SULF1: variants seen among roughly 807,000 people sequenced by gnomAD.
SULF1 encodes the protein extracellular sulfatase Sulf-1.
A neutral mutation model predicts 110.5 loss-of-function variants in SULF1; 46 were observed. The observed-to-expected ratio is 0.42, with a 90% CI of 0.33 to 0.53. SULF1 has a LOEUF of 0.53. Ranked by LOEUF, SULF1 falls within the 20% of genes least tolerant of loss-of-function variation. SULF1 has a pLI of 0.12. For missense variants in SULF1, 941 were observed against 1,094.2 expected, an observed-to-expected ratio of 0.86 and a Z score of 1.98; for synonymous variants, 371 against 387.1, an observed-to-expected ratio of 0.96 and a Z score of 0.49.
intron 3 of SULF1, among the ~76,000 whole-genome samples, chr8:69,554,166 G>A (rs1054862661): frequency 6.6e-5 from 10 of 152,180 alleles, no homozygotes; most frequent in African/African-American, 2.2e-4. Flanking sequence ...CATATGCTGA[G>A]AAATGAAAGT....
Position 69,505,026 on chromosome 8 carries a change from G to T in SULF1, c.-134+3058G>T, listed in dbSNP as rs1008771272. Reference sequence around the variant, plus strand: ...ATTTAATATTCAGAACTGCTTACCTGTAGCTCATTGAACTTGGCATCACCT... The same window carrying T: ...ATTTAATATTCAGAACTGCTTACCTTTAGCTCATTGAACTTGGCATCACCT... On this transcript the variant is annotated intron_variant, in intron 3 of 22. Transcript: ENST00000402687. 2.6e-5 allele frequency among the ~76,000 whole-genome samples: 4 copies of T among 152,276 alleles called. No homozygotes were observed. The South Asian group carries it at 8.3e-4, about 32-fold the overall frequency.
intron 3 of SULF1, among the ~76,000 whole-genome samples, chr8:69,544,417 C>T (rs1227566380): frequency 2.0e-5 from 3 of 151,844 alleles, no homozygotes; most frequent in African/African-American, 7.3e-5. Context: ...TACAGGCATG[C>T]GCCACCACAG....
chr8:69,517,811 C>G (rs986095119), intron 3 of SULF1, among the ~76,000 whole-genome samples: 3 of 152,106 alleles, frequency 2.0e-5, no homozygotes, highest in African/African-American at 7.2e-5. Flanking sequence ...CTGCATCTTC[C>G]CTTTTCATTA....
chr8:69,624,312 C>T, intron 15 of SULF1, 115 bp downstream of exon 15: 1 of 1,400,790 alleles, frequency 7.1e-7, no homozygotes, highest in Non-Finnish European at 9.6e-7. Flanking sequence ...AATACAGTGC[C>T]TGAGGGCTGG....
chr8:69,637,932 T>C (rs1360229826), intron 19 of SULF1: 1 of 153,642 alleles, frequency 6.5e-6, no homozygotes, highest in Admixed American at 6.5e-5. Flanking sequence ...GAGGGCTATG[T>C]GGTATAAAAG....
chr8:69,577,944 G>A (rs1179726397), intron 6 of SULF1, among the ~76,000 whole-genome samples: 3 of 152,152 alleles, frequency 2.0e-5, no homozygotes, highest in Non-Finnish European at 2.9e-5. Flanking sequence ...ACAGACTTTA[G>A]AAGCTACAGA....
intron 3 of SULF1, among the ~76,000 whole-genome samples, chr8:69,538,240 TTTTG>T (rs1242546707): frequency 2.0e-5 from 3 of 151,738 alleles, no homozygotes; most frequent in South Asian, 2.1e-4. Flanking sequence ...CTGCTTTTTG[TTTTG>T]TTTGCTTATT....
At chr8:69,551,195 C>T (rs565042825) in intron 3 of SULF1, among the ~76,000 whole-genome samples, 1 of 152,334 alleles carries the variant, frequency 6.6e-6, no homozygotes, top group African/African-American at 2.4e-5. Context: ...ACTCTGCCTC[C>T]TTAATCTCTG....
At chr8:69,617,181 G>A (rs1184969323) in intron 13 of SULF1, among the ~76,000 whole-genome samples, 1 of 151,362 alleles carries the variant, frequency 6.6e-6, no homozygotes, top group Non-Finnish European at 1.5e-5. Context: ...ATATGTTAAT[G>A]GAGTTGTCTG....
At chr8:69,656,843 T>A (rs1812773311) in intron 22 of SULF1, among the ~76,000 whole-genome samples, 1 of 152,206 alleles carries the variant, frequency 6.6e-6, no homozygotes, top group African/African-American at 2.4e-5. Context: ...TATCCAGTAA[T>A]GGGATTGCTG....
chr8:69,554,762 G>A (rs1366998684), intron 3 of SULF1, among the ~76,000 whole-genome samples: 2 of 151,980 alleles, frequency 1.3e-5, no homozygotes, highest in Middle Eastern at 3.4e-3. Flanking sequence ...GGAGGATCAT[G>A]AGGTCAGTAG....
chr8:69,628,901 C>A (rs1007989672), intron 18 of SULF1, among the ~76,000 whole-genome samples: 2 of 152,122 alleles, frequency 1.3e-5, no homozygotes, highest in African/African-American at 4.8e-5. Context: ...GTGTGGCTAG[C>A]AGGATCCTGT....
chr8:69,633,219 A>G (rs1277042764), intron 19 of SULF1, among the ~76,000 whole-genome samples: 3 of 152,092 alleles, frequency 2.0e-5, no homozygotes, highest in African/African-American at 7.2e-5. Flanking sequence ...TGAGACATTC[A>G]GTTTATGTTT....
intron 3 of SULF1, among the ~76,000 whole-genome samples, chr8:69,550,889 G>T (rs1195440371): frequency 6.6e-6 from 1 of 152,136 alleles, no homozygotes; most frequent in Non-Finnish European, 1.5e-5. Context: ...CTCACTTTGT[G>T]TGGCCGCATC....
At chr8:69,625,642 G>A (rs542040734) in intron 15 of SULF1, among the ~76,000 whole-genome samples, 3 of 152,310 alleles carry the variant, frequency 2.0e-5, no homozygotes, top group South Asian at 2.1e-4. Context: ...CAGTGGGCTC[G>A]TGGTCTCGCT....
intron 2 of SULF1, among the ~76,000 whole-genome samples, chr8:69,501,640 C>A (rs543249788): frequency 1.3e-5 from 2 of 152,318 alleles, no homozygotes; most frequent in East Asian, 1.9e-4. Context: ...AATGGAAAGT[C>A]TTTTCCTTGT....
rs1187297354 is a variant in SULF1 at position 69,578,338 on chromosome 8, ATTTG to A, written c.412+2133_412+2136del. On this transcript the variant is annotated intron_variant, in intron 6 of 22. Coordinates refer to ENST00000402687, the MANE Select transcript of SULF1 (RefSeq NM_001128205.2). ...TGACAGATCTGACTGTTTTTTATTT[ATTTG>A]TTTATTTATTTTATTTTATTATTAT... Among the ~76,000 whole-genome samples, 8 of 152,116 alleles carry A rather than the reference ATTTG, an allele frequency of 5.3e-5. No homozygotes were observed. In the South Asian group the frequency reaches 1.0e-3, roughly 20 times the overall value.
chr8:69,589,076 GC>G lies in SULF1; in HGVS notation c.673del (p.His225ThrfsTer21). On this transcript the variant is annotated frameshift_variant, in exon 8 of 23. Transcript: ENST00000402687. LOFTEE classifies it high-confidence loss of function. ...PVMMVISHAA[P>X]HGPEDSAPQF... ...TTATGATGGTGATCAGCCACGCTGCGCCCCACGGCCCCGAGGACTCAGCCCC... is the reference window on the plus strand; with the variant it reads ...TTATGATGGTGATCAGCCACGCTGCGCCCACGGCCCCGAGGACTCAGCCCC... The G allele has an allele frequency of 6.2e-7, 1 of 1,614,092 alleles. No individual in the cohort carries two copies. Among genetic ancestry groups the G allele is most frequent in the East Asian group, 2.2e-5 (1 of 44,882 alleles).
Position 69,564,048 on chromosome 8 carries a change from G to C in SULF1, c.73G>C (p.Val25Leu), listed in dbSNP as rs766896987. 2 of 1,614,188 alleles carry C rather than the reference G, an allele frequency of 1.2e-6. No homozygotes were observed. Among genetic ancestry groups the C allele is most frequent in the African/African-American group, 1.3e-5 (1 of 75,030 alleles). The change falls in exon 5 of 23, where the codon GTC becomes CTC. Residue 25 changes from valine (V) to leucine (L), a missense_variant. Transcript: ENST00000402687. Reference sequence around the variant, plus strand: ...ATTGCTGGGAAGCCTCTGTTCGACTGTCAGATCCCCGAGGTTCAGAGGACG... The same window carrying C: ...ATTGCTGGGAAGCCTCTGTTCGACTCTCAGATCCCCGAGGTTCAGAGGACG... ...TELLGSLCST[V>L]RSPRFRGRIQ...
Sources: allele counts gnomAD v4.1 joint callset (sites outside exome capture counted in the v4.1 genomes callset), GRCh38; gene constraint gnomAD v4.1.1; transcripts MANE v1.5; gene names NCBI Gene and HGNC (gene_info 2026-07-23, HGNC 2026-07-21).